The following SRGAP1 variants were observed in gnomAD, a reference collection of about 807,000 sequenced individuals.
The protein encoded by SRGAP1 is SLIT-ROBO Rho GTPase-activating protein 1.
A neutral mutation model predicts 121.9 loss-of-function variants in SRGAP1; 43 were observed. The observed-to-expected ratio is 0.35, with a 90% CI of 0.28 to 0.46. SRGAP1 has a LOEUF of 0.46. Among genes scored for constraint, SRGAP1 ranks in the 20% least tolerant of loss-of-function variants. The probability of loss-of-function intolerance (pLI) is 1.00; values close to 1 mark genes in which losing one functional copy is unlikely to be tolerated. For synonymous variants in SRGAP1, 447 were observed against 485.4 expected (o/e 0.92, Z 1.04); for missense variants, 1,102 against 1,350.9 (o/e 0.82, Z 2.89).
rs558079887 is a variant in SRGAP1, at chr12:64,136,516, C to T, written c.2881-5779C>T. ...AAGAGTGAATGAGAAATGAATGAAA[C>T]ATGGAAAAGGATTAAAGATGGGTTA... On this transcript the variant is annotated intron_variant, in intron 21 of 21. Transcript: ENST00000355086. 2.5e-4 allele frequency among the ~76,000 whole-genome samples: 38 copies of T among 152,188 alleles called. 1 individual carries two copies. The South Asian group carries it at 7.7e-3, about 31-fold the overall frequency.
At chr12:63,952,459 T>C (rs1377477262) in intron 1 of SRGAP1, among the ~76,000 whole-genome samples, 1 of 152,128 alleles carries the variant, frequency 6.6e-6, no homozygotes, top group Non-Finnish European at 1.5e-5. Context: ...GAGGCTGCAG[T>C]GAGCTATGAT....
At chr12:64,033,076 C>G (rs1379814042) in intron 4 of SRGAP1, among the ~76,000 whole-genome samples, 1 of 152,050 alleles carries the variant, frequency 6.6e-6, no homozygotes, top group African/African-American at 2.4e-5. Flanking sequence ...ATTAACACTA[C>G]AGTGAACAGA....
chr12:64,098,094 A>G (rs896533077), intron 15 of SRGAP1, among the ~76,000 whole-genome samples: 1 of 152,138 alleles, frequency 6.6e-6, no homozygotes, highest in African/African-American at 2.4e-5. Flanking sequence ...GCTGACTTCA[A>G]TCACTTAGGC....
At chr12:64,115,641 G>C (rs1408225212) in intron 17 of SRGAP1, among the ~76,000 whole-genome samples, 173 bp from the exon 18 acceptor site, 1 of 152,134 alleles carries the variant, frequency 6.6e-6, no homozygotes, top group Non-Finnish European at 1.5e-5. Context: ...CACACCTGTT[G>C]TCCCAGCTAC....
At chr12:63,905,528 T>A (rs2030158818) in intron 1 of SRGAP1, among the ~76,000 whole-genome samples, 1 of 152,352 alleles carries the variant, frequency 6.6e-6, no homozygotes, top group East Asian at 1.9e-4. Context: ...AGCTCCTGCC[T>A]AAAACTTCTT....
intron 1 of SRGAP1, among the ~76,000 whole-genome samples, chr12:63,883,926 G>A (rs1400078610): frequency 6.6e-6 from 1 of 151,202 alleles, no homozygotes; most frequent in South Asian, 2.1e-4. Flanking sequence ...ACAAAGTGCT[G>A]GGATTACAGG....
chr12:63,949,217 C>CATATATAT (rs139958664), intron 1 of SRGAP1, among the ~76,000 whole-genome samples: 38 of 117,644 alleles, frequency 3.2e-4, no homozygotes, highest in East Asian at 1.8e-3. Context: ...ATATTTTTTC[C>CATATATAT]ATATATATAT....
intron 1 of SRGAP1, among the ~76,000 whole-genome samples, chr12:63,851,529 T>C (rs1463453701): frequency 6.6e-6 from 1 of 152,086 alleles, no homozygotes; most frequent in East Asian, 1.9e-4. Flanking sequence ...GTCAATTTCT[T>C]CATCTGTAAA....
intron 6 of SRGAP1, among the ~76,000 whole-genome samples, chr12:64,054,255 C>G (rs182404917): frequency 1.3e-5 from 2 of 152,198 alleles, no homozygotes; most frequent in Non-Finnish European, 2.9e-5. Context: ...ATCCCCTACT[C>G]CAGCCAGTTT....
intron 6 of SRGAP1, among the ~76,000 whole-genome samples, chr12:64,046,534 G>T (rs984870922): frequency 6.6e-6 from 1 of 152,152 alleles, no homozygotes; most frequent in Non-Finnish European, 1.5e-5. Flanking sequence ...TGAAGCTAGA[G>T]CTCACAGGAA....
intron 1 of SRGAP1, among the ~76,000 whole-genome samples, chr12:63,867,597 G>T (rs1899682788): frequency 6.6e-6 from 1 of 151,982 alleles, no homozygotes; most frequent in Non-Finnish European, 1.5e-5. Flanking sequence ...CTTATAAGAT[G>T]AATCTATCTT....
intron 6 of SRGAP1, among the ~76,000 whole-genome samples, chr12:64,060,865 T>C (rs1469289272): frequency 1.3e-5 from 2 of 152,146 alleles, no homozygotes; most frequent in African/African-American, 4.8e-5. Context: ...ATGGAGATAG[T>C]TTATTTACTA....
intron 1 of SRGAP1, among the ~76,000 whole-genome samples, chr12:63,913,132 C>T (rs2030584871): frequency 1.3e-5 from 2 of 150,132 alleles, no homozygotes; most frequent in Admixed American, 1.3e-4. Flanking sequence ...ATGTTTTATT[C>T]CTCCTACCTG....
At chr12:64,005,310 A>G (rs1230398262) in intron 3 of SRGAP1, among the ~76,000 whole-genome samples, 1 of 152,200 alleles carries the variant, frequency 6.6e-6, no homozygotes, top group Non-Finnish European at 1.5e-5. Flanking sequence ...ATAGAACCAT[A>G]ATTGGCTAAT....
chr12:64,161,590 C>G lies in SRGAP1; in HGVS notation c.*18918C>G, dbSNP rs2037209601. 3 of 152,050 alleles carry G rather than the reference C, an allele frequency of 2.0e-5. No individual in the cohort carries two copies. The South Asian group carries it at 6.2e-4, about 32-fold the overall frequency. 9.4% of individuals were successfully genotyped at this position (152,050 alleles called of 1,614,324 possible). The stretch of plus-strand genomic sequence containing the variant: ...TTTGAGATTATTAGTGATAGTTCTT[C>G]TAAGTTTTCTTCTCTCTGCACACTG... On this transcript the variant is annotated 3_prime_UTR_variant, in exon 22 of 22. Coordinates refer to ENST00000355086, the MANE Select transcript of SRGAP1 (RefSeq NM_020762.4).
At chr12:64,139,868 G>A (rs1164639689) in intron 21 of SRGAP1, among the ~76,000 whole-genome samples, 1 of 151,918 alleles carries the variant, frequency 6.6e-6, no homozygotes, top group African/African-American at 2.4e-5. Context: ...GGTTTTTATG[G>A]TTTTAGGTCT....
At chr12:63,926,613 G>A (rs955379423) in intron 1 of SRGAP1, among the ~76,000 whole-genome samples, 2 of 152,122 alleles carry the variant, frequency 1.3e-5, no homozygotes, top group Non-Finnish European at 2.9e-5. Flanking sequence ...ACAATGTGAT[G>A]TTTTGATATA....
At chr12:63,899,666 T>C (rs1001595571) in intron 1 of SRGAP1, among the ~76,000 whole-genome samples, 1 of 152,196 alleles carries the variant, frequency 6.6e-6, no homozygotes, top group Non-Finnish European at 1.5e-5. Context: ...AACTTGGTGA[T>C]TGGCACAAGA....
chr12:64,054,621 G>A (rs2035304257), intron 6 of SRGAP1, among the ~76,000 whole-genome samples: 1 of 152,172 alleles, frequency 6.6e-6, no homozygotes, highest in Non-Finnish European at 1.5e-5. Context: ...TAGAGATAAT[G>A]TAAACTGATT....
Sources: gnomAD v4.1 joint callset for allele counts (sites outside exome capture counted in the v4.1 genomes callset) on GRCh38, gnomAD v4.1.1 for gene constraint, MANE v1.5 for transcripts, NCBI Gene and HGNC (gene_info 2026-07-23, HGNC 2026-07-21) for gene names.